EFCAB3: variants seen among roughly 807,000 people sequenced by gnomAD.
EFCAB3 encodes EF-hand calcium binding domain 3, also known as EF-hand calcium-binding domain-containing protein 3.
A neutral mutation model predicts 42.2 loss-of-function variants in EFCAB3; 36 were observed. The observed-to-expected ratio is 0.85, with a 90% CI of 0.65 to 1.13. The LOEUF is 1.13. EFCAB3 is among the 50% of genes most tolerant of loss of function. The pLI is 0.00. For missense variants in EFCAB3, 418 were observed against 505.1 expected, an observed-to-expected ratio of 0.83 and a Z score of 1.65; for synonymous variants, 170 against 172.8, an observed-to-expected ratio of 0.98 and a Z score of 0.13.
intron 2 of EFCAB3, among the ~76,000 whole-genome samples, chr17:62,383,752 T>C (rs1177317275): frequency 6.6e-6 from 1 of 152,040 alleles, no homozygotes; most frequent in Non-Finnish European, 1.5e-5. Flanking sequence ...ATATTTTGAG[T>C]GCCAGTTTAA....
At chr17:62,370,595 G>T (rs1285389921) in intron 1 of EFCAB3, among the ~76,000 whole-genome samples, 1 of 151,904 alleles carries the variant, frequency 6.6e-6, no homozygotes, top group African/African-American at 2.4e-5. Flanking sequence ...GGGGGAGGTT[G>T]CAGTGAGCTG....
chr17:62,379,625 G>T (rs1446671936), upstream of EFCAB3, among the ~76,000 whole-genome samples: 3 of 152,074 alleles, frequency 2.0e-5, no homozygotes, highest in African/African-American at 7.2e-5. Context: ...GCAGGAATAG[G>T]AAACCTCTAG....
At chr17:62,386,467 TAA>T (rs60085815) in intron 2 of EFCAB3, among the ~76,000 whole-genome samples, 2 of 146,210 alleles carry the variant, frequency 1.4e-5, no homozygotes, top group African/African-American at 4.9e-5. Flanking sequence ...GTAAAAGTTG[TAA>T]AAAAAAAAAA....
intron 3 of EFCAB3, 44 bp from the exon 4 acceptor site, chr17:62,391,778 C>T: frequency 6.2e-7 from 1 of 1,600,158 alleles, no homozygotes; most frequent in Non-Finnish European, 8.5e-7. Flanking sequence ...GTATGTACTT[C>T]TTCTTGAACA....
intron 3 of EFCAB3, among the ~76,000 whole-genome samples, chr17:62,390,898 C>A (rs1312782079): frequency 6.6e-6 from 1 of 152,168 alleles, no homozygotes; most frequent in Non-Finnish European, 1.5e-5. Context: ...TTTATTTCGT[C>A]ATTCTCTAAT....
upstream of EFCAB3, among the ~76,000 whole-genome samples, chr17:62,380,257 C>T (rs1405392312): frequency 1.3e-5 from 2 of 152,276 alleles, no homozygotes; most frequent in East Asian, 1.9e-4. Flanking sequence ...CCGCCTCGGC[C>T]CCCCAAAGTG....
chr17:62,378,663 G>A (rs1244023970), upstream of EFCAB3, among the ~76,000 whole-genome samples: 2 of 151,372 alleles, frequency 1.3e-5, no homozygotes, highest in African/African-American at 2.4e-5. Context: ...CTGCACCACC[G>A]CACTTCAGCC....
At chr17:62,406,928 GAGA>G (rs1231832319) in intron 7 of EFCAB3, 97 bp from the exon 8 acceptor site, 11 of 1,274,352 alleles carry the variant, frequency 8.6e-6, no homozygotes, top group African/African-American at 1.5e-5. Flanking sequence ...CATGGCCACT[GAGA>G]AGAATAGACA....
At chr17:62,393,105 G>C (rs1466829149) in intron 4 of EFCAB3, among the ~76,000 whole-genome samples, 1 of 152,120 alleles carries the variant, frequency 6.6e-6, no homozygotes, top group African/African-American at 2.4e-5. Context: ...GTCACTTAAG[G>C]TGTCACTTGC....
At chr17:62,383,920 T>G (rs1037087776) in intron 2 of EFCAB3, among the ~76,000 whole-genome samples, 1 of 152,238 alleles carries the variant, frequency 6.6e-6, no homozygotes, top group African/African-American at 2.4e-5. Context: ...GATTTACCTG[T>G]GACATTAACA....
At chr17:62,400,002 T>C (rs2070386922) in intron 6 of EFCAB3, among the ~76,000 whole-genome samples, 1 of 152,030 alleles carries the variant, frequency 6.6e-6, no homozygotes, top group Admixed American at 6.6e-5. Flanking sequence ...CTGAATGACC[T>C]CCATTTAATC....
At chr17:62,391,718 T>A (rs2070304021) in intron 3 of EFCAB3, 104 bp from the exon 4 acceptor site, 1 of 1,229,646 alleles carries the variant, frequency 8.1e-7, no homozygotes, top group South Asian at 2.3e-5. Flanking sequence ...AATCCTTTTT[T>A]TAGAACATGA....
At chr17:62,377,896 T>C, upstream of EFCAB3, 1 of 1,210,328 alleles carries the variant, frequency 8.3e-7, no homozygotes, top group Non-Finnish European at 1.2e-6. Context: ...ATAAGATAAA[T>C]TATGCCCTCC....
At chr17:62,385,100 C>A (rs762538654) in intron 2 of EFCAB3, among the ~76,000 whole-genome samples, 5 of 152,098 alleles carry the variant, frequency 3.3e-5, no homozygotes, top group Non-Finnish European at 5.9e-5. Context: ...CAAGGAACAT[C>A]TGTACAATAA....
chr17:62,387,999 C>T (rs1013899007), intron 3 of EFCAB3, among the ~76,000 whole-genome samples: 3 of 152,062 alleles, frequency 2.0e-5, no homozygotes, highest in Non-Finnish European at 4.4e-5. Flanking sequence ...CACCTGAGGT[C>T]AGGAGTCCGA....
At chr17:62,370,462 C>G in intron 1 of EFCAB3, 1 of 772,772 alleles carries the variant, frequency 1.3e-6, no homozygotes, top group Non-Finnish European at 2.2e-6. Flanking sequence ...CGAGACTAGC[C>G]TGATCAGCAC....
At chr17:62,392,151 AAT>A (rs1186087464) in intron 4 of EFCAB3, among the ~76,000 whole-genome samples, 186 bp downstream of exon 4, 17 of 148,972 alleles carry the variant, frequency 1.1e-4, no homozygotes, top group Non-Finnish European at 1.6e-4. Context: ...ATATAGTACA[AAT>A]ATATATATTT....
intron 1 of EFCAB3, among the ~76,000 whole-genome samples, chr17:62,371,860 G>A (rs768572563): frequency 3.3e-5 from 5 of 151,884 alleles, no homozygotes; most frequent in Non-Finnish European, 7.4e-5. Flanking sequence ...TTTCTTTTTT[G>A]TTCTGATATC....
intron 2 of EFCAB3, among the ~76,000 whole-genome samples, chr17:62,383,751 G>C (rs768034950): frequency 4.4e-4 from 67 of 152,156 alleles, no homozygotes; most frequent in Non-Finnish European, 8.8e-4. Context: ...GATATTTTGA[G>C]TGCCAGTTTA....
Sources: gnomAD v4.1 joint callset for allele counts (sites outside exome capture counted in the v4.1 genomes callset) on GRCh38, gnomAD v4.1.1 for gene constraint, MANE v1.5 for transcripts, NCBI Gene and HGNC (gene_info 2026-07-23, HGNC 2026-07-21) for gene names.